Variants in RBM33 observed in about 807,000 individuals in gnomAD.
RBM33 encodes the protein RNA-binding protein 33.
A neutral mutation model predicts 132.6 loss-of-function variants in RBM33; 28 were observed. The observed-to-expected ratio is 0.21, with a 90% CI of 0.16 to 0.29. The LOEUF (loss-of-function observed/expected upper bound fraction) is 0.29, where lower values mean the gene tolerates loss of function less well. RBM33 is among the 10% of genes least tolerant of loss of function. The pLI is 1.00. For missense variants in RBM33, 1,291 were observed against 1,518.5 expected (o/e 0.85, Z 2.49); for synonymous variants, 634 against 593.0 (o/e 1.07, Z -1.01).
At chr7:155,708,791 G>T (rs1394815421) in intron 7 of RBM33, among the ~76,000 whole-genome samples, 1 of 152,112 alleles carries the variant, frequency 6.6e-6, no homozygotes. Flanking sequence ...CTCCAACTGC[G>T]TTCTGTTACA....
At chr7:155,705,005 A>T (rs1800073789) in intron 6 of RBM33, among the ~76,000 whole-genome samples, 1 of 152,190 alleles carries the variant, frequency 6.6e-6, no homozygotes, top group African/African-American at 2.4e-5. Context: ...ATTTTGCCAA[A>T]CAAATTGTGT....
At chr7:155,751,301 A>G (rs1053132600) in intron 14 of RBM33, among the ~76,000 whole-genome samples, 1 of 152,166 alleles carries the variant, frequency 6.6e-6, no homozygotes, top group African/African-American at 2.4e-5. Context: ...AACCTTTGAG[A>G]GTAGGTTGGA....
At chr7:155,772,180 G>A (rs905663900) in intron 16 of RBM33, among the ~76,000 whole-genome samples, 1 of 139,636 alleles carries the variant, frequency 7.2e-6, no homozygotes. Flanking sequence ...AACCCCCCAG[G>A]ATCCTGGAGC....
Position 155,744,988 on chromosome 7 carries a change from T to C in RBM33, c.2365T>C (p.Leu789=), listed in dbSNP as rs1801464543. The C allele has an allele frequency of 6.3e-7, 1 of 1,589,564 alleles. No individual in the cohort carries two copies. The change falls in exon 14 of 18, where the codon TTA becomes CTA. Residue 789 remains leucine, a synonymous_variant. Transcript: ENST00000401878. ...EFPDEDEETR[L]YRLKIEEQKR... is the part of the protein sequence containing the mutation. ...TCCTGATGAAGATGAGGAAACAAGGTTATATCGCTTAAAGATAGAAGAACA... is the reference window on the plus strand; with the variant it reads ...TCCTGATGAAGATGAGGAAACAAGGCTATATCGCTTAAAGATAGAAGAACA...
In RBM33 at chr7:155,678,650, T is replaced by C. The variant is rs1201544017; in HGVS notation, c.214T>C (p.Leu72=). 5 of 1,583,146 alleles carry C rather than the reference T, an allele frequency of 3.2e-6. No homozygotes were observed. Among genetic ancestry groups the C allele is most frequent in the South Asian group, 1.1e-5 (1 of 87,002 alleles). ...LSDEELNDDL[L]QSDNEDEENF... Reference sequence around the variant, plus strand: ...AGATGAAGAGCTAAATGATGATCTTTTGCAGAGTGATAATGAAGATGAAGA... The same window carrying C: ...AGATGAAGAGCTAAATGATGATCTTCTGCAGAGTGATAATGAAGATGAAGA... Residue 72 remains leucine (L), a synonymous_variant, in exon 4 of 18, where the codon TTG becomes CTG. Transcript: ENST00000401878.
intron 5 of RBM33, among the ~76,000 whole-genome samples, chr7:155,689,154 G>T (rs1256112966): frequency 6.6e-6 from 1 of 152,182 alleles, no homozygotes; most frequent in Non-Finnish European, 1.5e-5. Flanking sequence ...TTCAGAGCCC[G>T]TTATTGGTCT....
chr7:155,746,126 A>G (rs904613182), intron 14 of RBM33, among the ~76,000 whole-genome samples: 1 of 152,226 alleles, frequency 6.6e-6, no homozygotes, highest in African/African-American at 2.4e-5. Flanking sequence ...CAGTGTGACA[A>G]TCCCTAAATT....
At chr7:155,661,144 A>ATTT (rs1276158233) in intron 1 of RBM33, among the ~76,000 whole-genome samples, 1 of 40,746 alleles carries the variant, frequency 2.5e-5, no homozygotes, top group Non-Finnish European at 6.0e-5. Flanking sequence ...ATATATATAT[A>ATTT]TATTTTTTTT....
At chr7:155,724,843 A>G (rs1227713579) in intron 9 of RBM33, among the ~76,000 whole-genome samples, 2 of 152,208 alleles carry the variant, frequency 1.3e-5, no homozygotes, top group African/African-American at 2.4e-5. Context: ...TTGCTGCACC[A>G]GTCAGTAGTT....
intron 1 of RBM33, among the ~76,000 whole-genome samples, chr7:155,659,816 G>A (rs996089969): frequency 1.3e-5 from 2 of 152,164 alleles, no homozygotes; most frequent in Non-Finnish European, 2.9e-5. Context: ...CCATATTAAT[G>A]TACCAGCAGG....
intron 7 of RBM33, among the ~76,000 whole-genome samples, chr7:155,710,885 G>A (rs1393591334): frequency 6.6e-6 from 1 of 151,174 alleles, no homozygotes; most frequent in Admixed American, 6.6e-5. Context: ...GCTCAGTGTG[G>A]GCAGTTCAAT....
At position 155,774,392 on chromosome 7, in the gene RBM33, ATAAG is replaced by A. The variant is rs764352244; in HGVS notation, c.3376-162_3376-159del. On this transcript the variant is annotated intron_variant, in intron 16 of 17. Coordinates refer to ENST00000401878, the MANE Select transcript of RBM33 (RefSeq NM_053043.3). This position sits in a 1 kb window ranked among gnomAD's most constrained non-coding sequence, Gnocchi z 4.2. ...CACTGTTTTGGAGTAGATTATCTAG[ATAAG>A]TAAGACAAATTGCCAGGGAGCTAGA... is the stretch of plus-strand genomic sequence containing the variant. Among the ~76,000 whole-genome samples the A allele has an allele frequency of 5.9e-5, 9 of 152,242 alleles. No homozygotes were observed. Among genetic ancestry groups the A allele is most frequent in the Non-Finnish European group, 1.0e-4 (7 of 68,048 alleles).
rs1801268903 is a variant in RBM33 at position 155,739,873 on chromosome 7, G to GCACCAGCACCAC, written c.1902_1913dup (p.Gln634_His637dup). On this transcript the variant is annotated inframe_insertion, in exon 12 of 18. Transcript: ENST00000401878. ...AGCACCCACCACAGCACCCGCCGCA[G>GCACCAGCACCAC]CACCAGCACCACCACCACCACCACC... 1 of 1,336,164 alleles carries GCACCAGCACCAC rather than the reference G, an allele frequency of 7.5e-7. No homozygotes were observed. The highest frequency in any genetic ancestry group is 9.8e-7 in the Non-Finnish European group (1 of 1,015,634). The allele number at this position is 1,336,164 out of a possible 1,614,324, so 82.8% of individuals were successfully genotyped here. A position where few individuals can be genotyped will look rare whatever the true frequency, so the allele number is the denominator to read the frequency against.
intron 9 of RBM33, among the ~76,000 whole-genome samples, chr7:155,732,828 G>A (rs1185236546): frequency 6.6e-6 from 1 of 152,206 alleles, no homozygotes; most frequent in Non-Finnish European, 1.5e-5. Flanking sequence ...ATCCTGGGCA[G>A]TGAGAGAAGG....
At chr7:155,706,786 T>C in intron 6 of RBM33, 74 bp from the exon 7 acceptor site, 1 of 1,229,306 alleles carries the variant, frequency 8.1e-7, no homozygotes, top group Non-Finnish European at 1.1e-6. Flanking sequence ...CACATCATTC[T>C]TTCCTGTTCT....
At chr7:155,664,378 A>G (rs1798740943) in intron 1 of RBM33, among the ~76,000 whole-genome samples, 1 of 151,290 alleles carries the variant, frequency 6.6e-6, no homozygotes, top group Admixed American at 6.6e-5. Context: ...CAGCCTCCCA[A>G]GTAGCTGGGA....
chr7:155,707,277 A>G (rs1006720951), intron 7 of RBM33: 8 of 671,452 alleles, frequency 1.2e-5, no homozygotes, highest in African/African-American at 7.1e-5. Context: ...GTAGTAAGAA[A>G]TCATCCTGTA....
chr7:155,651,369 T>C (rs1798348385), intron 1 of RBM33, among the ~76,000 whole-genome samples: 1 of 152,158 alleles, frequency 6.6e-6, no homozygotes, highest in Non-Finnish European at 1.5e-5. Context: ...TCTTGAGAAG[T>C]TTGAGGACAT....
chr7:155,769,535 C>T (rs557536453), intron 16 of RBM33, among the ~76,000 whole-genome samples: 56 of 152,208 alleles, frequency 3.7e-4, no homozygotes, highest in African/African-American at 1.1e-3. Context: ...TAGAGAGTAC[C>T]GCTCAGAGAA....
Sources: gnomAD v4.1 joint callset for allele counts (sites outside exome capture counted in the v4.1 genomes callset) on GRCh38, gnomAD v4.1.1 for gene constraint, Gnocchi (gnomAD v3.1) non-coding constraint, MANE v1.5 for transcripts, NCBI Gene and HGNC (gene_info 2026-07-23, HGNC 2026-07-21) for gene names.